Variants in AGAP1 observed in about 807,000 individuals in gnomAD.
AGAP1 encodes the protein arf-GAP with GTPase, ANK repeat and PH domain-containing protein 1.
AGAP1 carries 29 observed loss-of-function variants against 105.3 expected under a neutral mutation model. The observed-to-expected ratio is 0.28, with a 90% CI of 0.21 to 0.38. The LOEUF (loss-of-function observed/expected upper bound fraction) is 0.38. Ranked by LOEUF, AGAP1 falls within the 10% of genes least tolerant of loss-of-function variation. AGAP1 has a pLI of 1.00. For synonymous variants in AGAP1, 509 were observed against 485.9 expected (o/e 1.05, Z -0.63); for missense variants, 998 against 1,165.1 (o/e 0.86, Z 2.09).
In AGAP1 at chr2:236,009,366, G is replaced by A. The variant is rs924433185; in HGVS notation, c.1646-27195G>A. Among the ~76,000 whole-genome samples the A allele has an allele frequency of 2.6e-5, 4 of 152,158 alleles. No homozygotes were observed. The highest frequency in any genetic ancestry group is 1.9e-4 in the East Asian group (1 of 5,174). On this transcript the variant is annotated intron_variant, in intron 13 of 17. Coordinates refer to ENST00000304032, the MANE Select transcript of AGAP1 (RefSeq NM_001037131.3). The surrounding 1 kb of genome is among the most constrained non-coding windows in gnomAD (Gnocchi z 4.2). ...GTGACACAAAACCACAGCAGAATCCGCTCACACCTGCCGAGGTTCCTGGGG... is the reference window on the plus strand; with the variant it reads ...GTGACACAAAACCACAGCAGAATCCACTCACACCTGCCGAGGTTCCTGGGG...
At chr2:235,587,529 A>G (rs1448640992) in intron 1 of AGAP1, among the ~76,000 whole-genome samples, 2 of 151,948 alleles carry the variant, frequency 1.3e-5, no homozygotes, top group African/African-American at 4.8e-5. Context: ...AGGTGGGCGG[A>G]TCACTTGAGG....
chr2:235,923,339 A>G (rs1211011764), intron 11 of AGAP1, among the ~76,000 whole-genome samples: 1 of 152,164 alleles, frequency 6.6e-6, no homozygotes, highest in Non-Finnish European at 1.5e-5. Context: ...TGACCTCTGC[A>G]TTCACAAGCC....
intron 9 of AGAP1, among the ~76,000 whole-genome samples, chr2:235,871,246 G>C (rs1376952285): frequency 1.3e-5 from 2 of 152,186 alleles, no homozygotes; most frequent in Non-Finnish European, 2.9e-5. Context: ...AGTCCAGCAA[G>C]GTTTACAGTT....
rs1220719498 is a variant in AGAP1 at position 235,601,920 on chromosome 2, GT to G, written c.163+107072del. Among the ~76,000 whole-genome samples, 1 of 152,086 alleles carries G rather than the reference GT, an allele frequency of 6.6e-6. No homozygotes were observed. The highest frequency in any genetic ancestry group is 1.5e-5 in the Non-Finnish European group (1 of 68,010). On this transcript the variant is annotated intron_variant, in intron 1 of 17. Coordinates refer to ENST00000304032, the MANE Select transcript of AGAP1 (RefSeq NM_001037131.3). This position sits in a 1 kb window ranked among gnomAD's most constrained non-coding sequence, Gnocchi z 4.4. ...TGCAGTAACCTCTTAGCGGGCCTCCGTGCCCCATCCCAAAAGGTCCATTCTC... is the reference window on the plus strand; with the variant it reads ...TGCAGTAACCTCTTAGCGGGCCTCCGGCCCCATCCCAAAAGGTCCATTCTC...
chr2:235,552,992 A>G lies in AGAP1; in HGVS notation c.163+58143A>G, dbSNP rs1191987983. ...GTGTGACACAGTGAAGGGTATGGGG[A>G]CAGCCACATCTGGGTTTCAGTTTTC... On this transcript the variant is annotated intron_variant, in intron 1 of 17. Coordinates refer to ENST00000304032, the MANE Select transcript of AGAP1 (RefSeq NM_001037131.3). The surrounding 1 kb of genome is among the most constrained non-coding windows in gnomAD (Gnocchi z 5.9). 6.6e-6 allele frequency among the ~76,000 whole-genome samples: 1 copy of G among 152,188 alleles called. No individual in the cohort carries two copies. Among genetic ancestry groups the G allele is most frequent in the Non-Finnish European group, 1.5e-5 (1 of 68,038 alleles).
At chr2:236,018,495 C>CT (rs1451767680) in intron 13 of AGAP1, among the ~76,000 whole-genome samples, 1 of 152,226 alleles carries the variant, frequency 6.6e-6, no homozygotes, top group Non-Finnish European at 1.5e-5. Context: ...CCCCATGCAG[C>CT]TAAACAGATG....
Position 235,792,765 on chromosome 2 carries a change from G to C in AGAP1, c.674-4994G>C, listed in dbSNP as rs79194373. On this transcript the variant is annotated intron_variant, in intron 6 of 17. Coordinates refer to ENST00000304032, the MANE Select transcript of AGAP1 (RefSeq NM_001037131.3). This position sits in a 1 kb window ranked among gnomAD's most constrained non-coding sequence, Gnocchi z 5.3. ...CTAGGAGGCCCAGGCTGGGCGGCGCGGACTTGAAGGCGCCTCTAGCAGATC... is the reference window on the plus strand; with the variant it reads ...CTAGGAGGCCCAGGCTGGGCGGCGCCGACTTGAAGGCGCCTCTAGCAGATC... 0.032 allele frequency among the ~76,000 whole-genome samples: 4,835 copies of C among 152,284 alleles called. 239 individuals are homozygous for C. Among genetic ancestry groups the C allele is most frequent in the African/African-American group, 0.11 (4,377 of 41,564 alleles).
chr2:236,060,876 A>G (rs541047191), intron 16 of AGAP1, among the ~76,000 whole-genome samples: 8 of 152,208 alleles, frequency 5.3e-5, no homozygotes, highest in Non-Finnish European at 7.4e-5. Flanking sequence ...TGCCTGATCA[A>G]CATAGTGAGA....
At chr2:235,776,202 A>G (rs1955846081) in intron 6 of AGAP1, among the ~76,000 whole-genome samples, 2 of 152,210 alleles carry the variant, frequency 1.3e-5, no homozygotes, top group South Asian at 4.1e-4. Flanking sequence ...ATTCTCCATC[A>G]GTGTGGCTTA....
Position 235,866,677 on chromosome 2 carries a change from C to G in AGAP1, c.1051-16668C>G, listed in dbSNP as rs1052708896. Among the ~76,000 whole-genome samples, 5 of 152,192 alleles carry G rather than the reference C, an allele frequency of 3.3e-5. No individual in the cohort carries two copies. The highest frequency in any genetic ancestry group is 9.7e-5 in the African/African-American group (4 of 41,446). ...AGACCACAGACTTTGTCTTAAACAGCAAACATTTATTGTCTCCCAATTCTG... is the reference window on the plus strand; with the variant it reads ...AGACCACAGACTTTGTCTTAAACAGGAAACATTTATTGTCTCCCAATTCTG... On this transcript the variant is annotated intron_variant, in intron 9 of 17. Transcript: ENST00000304032. This position sits in a 1 kb window ranked among gnomAD's most constrained non-coding sequence, Gnocchi z 6.1.
At chr2:235,937,868 A>G (rs2053066183) in intron 12 of AGAP1, among the ~76,000 whole-genome samples, 1 of 152,174 alleles carries the variant, frequency 6.6e-6, no homozygotes, top group African/African-American at 2.4e-5. Flanking sequence ...TCAGCCCAAA[A>G]CACCAGCGGT....
chr2:235,502,400 C>T lies in AGAP1; in HGVS notation c.163+7551C>T, dbSNP rs113911982. ...AGGCTCGAGGGTGGGGACCAGGGCC[C>T]GAGAGGGGGCTGCCACTGCTTGCTC... On this transcript the variant is annotated intron_variant, in intron 1 of 17. Transcript: ENST00000304032. 8.0e-3 allele frequency among the ~76,000 whole-genome samples: 1,225 copies of T among 152,226 alleles called. 11 individuals carry two copies. Among genetic ancestry groups the T allele is most frequent in the African/African-American group, 0.028 (1,165 of 41,530 alleles).
chr2:235,892,056 A>G (rs922542486), intron 10 of AGAP1, among the ~76,000 whole-genome samples: 1 of 152,020 alleles, frequency 6.6e-6, no homozygotes, highest in Non-Finnish European at 1.5e-5. Flanking sequence ...TGGGAGGCTG[A>G]GGCAGGAGAA....
intron 6 of AGAP1, chr2:235,773,980 CCTCT>C (rs1489478119): frequency 4.3e-6 from 2 of 470,550 alleles, no homozygotes; most frequent in South Asian, 1.6e-5. Flanking sequence ...TTTTTTTCCC[CCTCT>C]AAGATTTTTA....
chr2:235,554,263 G>C (rs1943903575), intron 1 of AGAP1, among the ~76,000 whole-genome samples: 1 of 152,212 alleles, frequency 6.6e-6, no homozygotes, highest in African/African-American at 2.4e-5. Context: ...GCAGAGAGTG[G>C]CCTGCTTAGC....
At chr2:235,540,819 G>C (rs187866349) in intron 1 of AGAP1, among the ~76,000 whole-genome samples, 38 of 152,234 alleles carry the variant, frequency 2.5e-4, no homozygotes, top group African/African-American at 8.7e-4. Context: ...CTTCAGGGCT[G>C]GTGTGTAAAC....
At chr2:235,713,326 A>T (rs1168854966) in intron 2 of AGAP1, among the ~76,000 whole-genome samples, 1 of 152,228 alleles carries the variant, frequency 6.6e-6, no homozygotes, top group Middle Eastern at 3.2e-3. Context: ...CAGGGTAAAA[A>T]AAGATGTACG....
rs1187517453 is a variant in AGAP1, at chr2:235,824,628, C to A, written c.1050+17297C>A. Among the ~76,000 whole-genome samples the A allele has an allele frequency of 6.6e-6, 1 of 152,138 alleles. No individual in the cohort carries two copies. Among genetic ancestry groups the A allele is most frequent in the Non-Finnish European group, 1.5e-5 (1 of 68,028 alleles). On this transcript the variant is annotated intron_variant, in intron 9 of 17. Coordinates refer to ENST00000304032, the MANE Select transcript of AGAP1 (RefSeq NM_001037131.3). The surrounding 1 kb of genome is among the most constrained non-coding windows in gnomAD (Gnocchi z 5.2). ...TTGTTAATTGATTTGGTGATTCCCT[C>A]GGGTCTGCATGCTCCTTTTCCCCCT...
At chr2:236,019,311 C>A (rs953392090) in intron 13 of AGAP1, among the ~76,000 whole-genome samples, 2 of 152,242 alleles carry the variant, frequency 1.3e-5, no homozygotes, top group South Asian at 4.2e-4. Context: ...AGCTTACTGT[C>A]AGTCTAGGAG....
Sources: allele counts gnomAD v4.1 joint callset (sites outside exome capture counted in the v4.1 genomes callset), GRCh38; gene constraint gnomAD v4.1.1; non-coding constraint Gnocchi (gnomAD v3.1); transcripts MANE v1.5; gene names NCBI Gene and HGNC (gene_info 2026-07-23, HGNC 2026-07-21).